CACNG7: variants seen among roughly 807,000 people sequenced by gnomAD.
CACNG7 encodes calcium voltage-gated channel auxiliary subunit gamma 7.
CACNG7 carries 9 observed loss-of-function variants against 26.3 expected under a neutral mutation model. That is an observed-to-expected ratio of 0.34 (90% CI 0.21 to 0.60). CACNG7 has a LOEUF of 0.60. Ranked by LOEUF, CACNG7 falls within the 20% of genes least tolerant of loss-of-function variation. The pLI, the probability that CACNG7 is intolerant of heterozygous loss-of-function variation, is 0.81. For synonymous variants in CACNG7, 170 were observed against 157.0 expected, an observed-to-expected ratio of 1.08 and a Z score of -0.62; for missense variants, 297 against 380.4, an observed-to-expected ratio of 0.78 and a Z score of 1.82.
chr19:53,922,132 TC>T (rs1399832638), intron 4 of CACNG7, among the ~76,000 whole-genome samples: 1 of 101,370 alleles, frequency 9.9e-6, no homozygotes, highest in Non-Finnish European at 1.9e-5. Flanking sequence ...CCAGGCCTGG[TC>T]ATTGGTGGAG....
chr19:53,928,782 A>T (rs1172282029), intron 4 of CACNG7, among the ~76,000 whole-genome samples: 1 of 152,042 alleles, frequency 6.6e-6, no homozygotes, highest in Non-Finnish European at 1.5e-5. Context: ...AGAAACGGAG[A>T]TGAGGATTTT....
intron 4 of CACNG7, among the ~76,000 whole-genome samples, chr19:53,934,624 T>A (rs1313954697): frequency 6.6e-6 from 1 of 150,658 alleles, no homozygotes; most frequent in Non-Finnish European, 1.5e-5. Flanking sequence ...AAAAAAAAAA[T>A]TAGCCAGGTG....
At chr19:53,914,640 G>A (rs183619484) in intron 3 of CACNG7, 54 bp downstream of exon 3, 31 of 1,513,138 alleles carry the variant, frequency 2.0e-5, no homozygotes, top group Admixed American at 2.0e-4. Context: ...CAGCCGAGTC[G>A]TGGAGTCCTG....
intron 4 of CACNG7, among the ~76,000 whole-genome samples, chr19:53,929,185 A>G (rs1257875152): frequency 6.6e-6 from 1 of 150,830 alleles, no homozygotes; most frequent in Non-Finnish European, 1.5e-5. Flanking sequence ...GGAAGCAAAA[A>G]GGGGGTTAGA....
At chr19:53,913,082 GAGTCTTAGCCAT>G in intron 2 of CACNG7, 55 bp downstream of exon 2, 6 of 1,510,558 alleles carry the variant, frequency 4.0e-6, no homozygotes, top group Non-Finnish European at 5.5e-6. Context: ...TGGGGTCTGA[GAGTCTTAGCCAT>G]AGTCCCATCC....
chr19:53,924,264 T>C (rs1338114740), intron 4 of CACNG7, among the ~76,000 whole-genome samples: 8 of 144,848 alleles, frequency 5.5e-5, no homozygotes, highest in Admixed American at 2.0e-4. Flanking sequence ...GCCCCAGGTC[T>C]GGTCATTGGT....
Position 53,912,308 on chromosome 19 carries a change from G to A in CACNG7, c.-29-495G>A, listed in dbSNP as rs1384448674. The stretch of plus-strand genomic sequence containing the variant: ...ATCATTGATCTGCCTAATAGTTTCT[G>A]AGTCACTGATCCACACTCAAGGTTA... On this transcript the variant is annotated intron_variant, in intron 1 of 5. Transcript: ENST00000391767. This position sits in a 1 kb window ranked among gnomAD's most constrained non-coding sequence, Gnocchi z 4.6. Among the ~76,000 whole-genome samples, 2 of 152,194 alleles carry A rather than the reference G, an allele frequency of 1.3e-5. No homozygotes were observed. Among genetic ancestry groups the A allele is most frequent in the East Asian group, 3.9e-4 (2 of 5,174 alleles).
chr19:53,930,967 G>A (rs2069067868), intron 4 of CACNG7, among the ~76,000 whole-genome samples: 1 of 152,114 alleles, frequency 6.6e-6, no homozygotes, highest in Non-Finnish European at 1.5e-5. Context: ...AGGCCGAGGT[G>A]GGCACATTAC....
Position 53,941,500 on chromosome 19 carries a change from A to C in CACNG7, c.455A>C (p.Tyr152Ser), listed in dbSNP as rs1294998209. Residue 152 changes from tyrosine to serine, a missense_variant, in exon 5 of 6, where the codon TAC becomes TCC. By Grantham distance (144) the Tyr-to-Ser change is moderately radical. Transcript: ENST00000391767. ...GLSLVVGLVL[Y>S]ISSINDEVMN... ...TCCTTGGTGGTGGGCTTGGTTCTTT[A>C]CATCTCCAGCATCAACGACGAGGTC... 1 of 1,589,932 alleles carries C rather than the reference A, an allele frequency of 6.3e-7. No individual in the cohort carries two copies. The highest frequency in any genetic ancestry group is 8.5e-7 in the Non-Finnish European group (1 of 1,171,418).
Position 53,912,480 on chromosome 19 carries a change from C to A in CACNG7, c.-29-323C>A, listed in dbSNP as rs1263182273. Among the ~76,000 whole-genome samples the A allele has an allele frequency of 6.6e-6, 1 of 152,168 alleles. No individual in the cohort carries two copies. The highest frequency in any genetic ancestry group is 2.4e-5 in the African/African-American group (1 of 41,450). ...ACAGTATTTGGGACCCAGGTCCAAA[C>A]ACGGTTGGAGCCAAGATTCAATCTC... On this transcript the variant is annotated intron_variant, in intron 1 of 5. Coordinates refer to ENST00000391767, the MANE Select transcript of CACNG7 (RefSeq NM_031896.5). This position sits in a 1 kb window ranked among gnomAD's most constrained non-coding sequence, Gnocchi z 4.6.
intron 4 of CACNG7, among the ~76,000 whole-genome samples, chr19:53,937,805 G>A (rs1327607583): frequency 3.3e-5 from 5 of 152,092 alleles, no homozygotes; most frequent in Non-Finnish European, 7.4e-5. Flanking sequence ...TGGCCAGGCT[G>A]GTCTGAAACC....
chr19:53,923,556 TCTGGTCATTGGTGGAGTTGTCCCAGG>T (rs2068986549), intron 4 of CACNG7, among the ~76,000 whole-genome samples: 89 of 106,260 alleles, frequency 8.4e-4, no homozygotes, highest in Admixed American at 1.9e-3. Flanking sequence ...TTGTCCCAGG[TCTGGTCATTGGTGGAGTTGTCCCAGG>T]CTGGTCATTG....
chr19:53,932,410 A>G (rs147371130), intron 4 of CACNG7, among the ~76,000 whole-genome samples: 17 of 152,282 alleles, frequency 1.1e-4, no homozygotes, highest in African/African-American at 3.9e-4. Flanking sequence ...ATTTCACTAC[A>G]TTATTTTAAA....
chr19:53,925,515 T>TCATTGGTGGACTTGCCCCAGGCTGGC, intron 4 of CACNG7, among the ~76,000 whole-genome samples: 2 of 126,718 alleles, frequency 1.6e-5, no homozygotes, highest in Non-Finnish European at 3.2e-5. Context: ...CCCAGGCTGG[T>TCATTGGTGGACTTGCCCCAGGCTGGC]CATTGGTGGA....
chr19:53,918,671 ATAG>A (rs1455946139), intron 4 of CACNG7, among the ~76,000 whole-genome samples: 1 of 152,200 alleles, frequency 6.6e-6, no homozygotes, highest in African/African-American at 2.4e-5. Context: ...TGTAGTAATG[ATAG>A]TAGTACTAGC....
rs1308599957 is a variant in CACNG7 at position 53,912,782 on chromosome 19, A to G, written c.-29-21A>G. 2 of 1,593,418 alleles carry G rather than the reference A, an allele frequency of 1.3e-6. No individual in the cohort carries two copies. On this transcript the variant is annotated intron_variant, in intron 1 of 5. Transcript: ENST00000391767. This position sits in a 1 kb window ranked among gnomAD's most constrained non-coding sequence, Gnocchi z 4.6. ...TCTGGTCGGTCCCATGGAGCTCTGC[A>G]CTGTAGCTTCCCTTCCACAGGCCCC...
intron 1 of CACNG7, among the ~76,000 whole-genome samples, chr19:53,910,760 AGT>A (rs895047675): frequency 2.8e-4 from 43 of 152,098 alleles, no homozygotes; most frequent in African/African-American, 1.0e-3. Context: ...TAGGTTCCTA[AGT>A]GGAATTGGGG....
At chr19:53,915,314 T>G in intron 3 of CACNG7, 51 bp from the exon 4 acceptor site, 1 of 1,388,584 alleles carries the variant, frequency 7.2e-7, no homozygotes, top group Non-Finnish European at 1.0e-6. Flanking sequence ...TGGGGAAGTG[T>G]CCCACTGGAG....
At chr19:53,913,625 C>T (rs2068874436) in intron 2 of CACNG7, among the ~76,000 whole-genome samples, 1 of 151,638 alleles carries the variant, frequency 6.6e-6, no homozygotes, top group Admixed American at 6.6e-5. Flanking sequence ...GAGACTCCAT[C>T]TCACTCTCCC....
Sources: gnomAD v4.1 joint callset for allele counts (sites outside exome capture counted in the v4.1 genomes callset) on GRCh38, gnomAD v4.1.1 for gene constraint, Gnocchi (gnomAD v3.1) non-coding constraint, MANE v1.5 for transcripts, NCBI Gene and HGNC (gene_info 2026-07-23, HGNC 2026-07-21) for gene names.